Variants in KIAA0319 observed in about 807,000 individuals in gnomAD.
KIAA0319 encodes dyslexia-associated protein KIAA0319.
A neutral mutation model predicts 108.4 loss-of-function variants in KIAA0319; 83 were observed. The ratio of observed to expected loss-of-function variants is 0.77; its 90% CI spans 0.64 to 0.92. The LOEUF (loss-of-function observed/expected upper bound fraction) is 0.92, where lower values mean the gene tolerates loss of function less well. Among genes scored for constraint, KIAA0319 ranks in the 40% least tolerant of loss-of-function variants. The pLI is 0.00. For missense variants in KIAA0319, 1,195 were observed against 1,322.4 expected (o/e 0.90, Z 1.49); for synonymous variants, 484 against 510.4 (o/e 0.95, Z 0.70).
At chr6:24,558,447 T>G (rs2744542) in intron 17 of KIAA0319, among the ~76,000 whole-genome samples, 44,561 of 151,948 alleles carry the variant, frequency 0.29, 7,846 homozygotes, top group African/African-American at 0.5. Flanking sequence ...ACATTATCAT[T>G]TCCCTTGTAA....
chr6:24,599,498 A>C lies in KIAA0319; in HGVS notation c.55+1551T>G, dbSNP rs1285124207. 5.3e-6 allele frequency: 3 copies of C among 565,826 alleles called. No homozygotes were observed. The highest frequency in any genetic ancestry group is 1.5e-5 in the South Asian group (1 of 65,506). 35.1% of individuals were successfully genotyped at this position (565,826 alleles called of 1,614,324 possible). On this transcript the variant is annotated intron_variant, in intron 2 of 20. Transcript: ENST00000378214. The surrounding 1 kb of genome is among the most constrained non-coding windows in gnomAD (Gnocchi z 4.1). ...ACCAGGAGCTGATGATCATCAAGCC[A>C]ACCCTGGACATCGAGATTGTCACCT... is the stretch of plus-strand genomic sequence containing the variant.
chr6:24,559,283 CA>C (rs1444267494), intron 16 of KIAA0319, 128 bp from the exon 17 acceptor site: 1 of 958,948 alleles, frequency 1.0e-6, no homozygotes, highest in Non-Finnish European at 1.5e-6. Flanking sequence ...TTGCCAAGGA[CA>C]GGGGCGTATC....
In KIAA0319 at chr6:24,599,266, T is replaced by C; in HGVS notation, c.55+1783A>G. 2.0e-6 allele frequency: 1 copy of C among 490,614 alleles called. No homozygotes were observed. Among genetic ancestry groups the C allele is most frequent in the South Asian group, 2.0e-5 (1 of 50,314 alleles). 30.4% of individuals were successfully genotyped at this position (490,614 alleles called of 1,614,324 possible). A position where few individuals can be genotyped will look rare whatever the true frequency, so the allele number is the denominator to read the frequency against. On this transcript the variant is annotated intron_variant, in intron 2 of 20. Coordinates refer to ENST00000378214, the MANE Select transcript of KIAA0319 (RefSeq NM_014809.4). This position sits in a 1 kb window ranked among gnomAD's most constrained non-coding sequence, Gnocchi z 4.1. ...AGGGATGACCTGTGTTATACAAAGA[T>C]GGAGATCTCTGAGATGAATCAGAAC...
intron 1 of KIAA0319, among the ~76,000 whole-genome samples, chr6:24,616,774 C>A (rs1030643495): frequency 1.3e-5 from 2 of 152,142 alleles, no homozygotes; most frequent in Non-Finnish European, 2.9e-5. Flanking sequence ...CACTAATGAA[C>A]CACATATCTA....
intron 1 of KIAA0319, among the ~76,000 whole-genome samples, chr6:24,605,202 T>C (rs1177534552): frequency 3.9e-5 from 6 of 152,218 alleles, no homozygotes. Context: ...TCACCTATAT[T>C]ATCTTATTTG....
intron 14 of KIAA0319, 46 bp downstream of exon 14, chr6:24,566,551 G>C: frequency 5.2e-6 from 8 of 1,530,460 alleles, no homozygotes; most frequent in Non-Finnish European, 7.1e-6. Flanking sequence ...GACTAATGCA[G>C]ATGTAATGAT....
intron 1 of KIAA0319, among the ~76,000 whole-genome samples, chr6:24,627,171 T>C (rs17412874): frequency 0.025 from 3,860 of 152,338 alleles, 56 homozygotes; most frequent in Non-Finnish European, 0.036. Flanking sequence ...AAAGGGGACT[T>C]CACATACTTT....
In KIAA0319 at chr6:24,596,278, GT is replaced by G. The variant is rs780777441; in HGVS notation, c.395del (p.Asp132AlafsTer10). The part of the protein sequence containing the change: ...NRGSPSGIWG[D>X]SPEDIRKDLT... ...AGTCCTTTCTGATATCCTCAGGTGA[GT>G]CCCCCCAGATCCCCGAGGGGGAGCC... On this transcript the variant is annotated frameshift_variant, in exon 3 of 21. Transcript: ENST00000378214. LOFTEE classifies it high-confidence loss of function. 6 of 1,614,188 alleles carry G rather than the reference GT, an allele frequency of 3.7e-6. No individual in the cohort carries two copies. The East Asian group carries it at 1.1e-4, about 30-fold the overall frequency.
chr6:24,558,685 G>A (rs1385016963), intron 17 of KIAA0319, among the ~76,000 whole-genome samples: 1 of 152,202 alleles, frequency 6.6e-6, no homozygotes, highest in Non-Finnish European at 1.5e-5. Context: ...AAGGCATGAT[G>A]TCCAAGGTAA....
intron 1 of KIAA0319, among the ~76,000 whole-genome samples, chr6:24,628,854 C>T (rs943913042): frequency 1.3e-5 from 2 of 152,086 alleles, no homozygotes; most frequent in African/African-American, 4.8e-5. Context: ...CAAAATTTTC[C>T]TCTTATAAGG....
intron 1 of KIAA0319, among the ~76,000 whole-genome samples, chr6:24,604,500 C>G (rs1771122931): frequency 6.6e-6 from 1 of 152,232 alleles, no homozygotes; most frequent in African/African-American, 2.4e-5. Context: ...AGAGAAGATA[C>G]TGCTCTGAAG....
In KIAA0319 at chr6:24,572,716, C is replaced by A; in HGVS notation, c.1735-18G>T. The A allele has an allele frequency of 6.3e-7, 1 of 1,579,702 alleles. No individual in the cohort carries two copies. The highest frequency in any genetic ancestry group is 8.6e-7 in the Non-Finnish European group (1 of 1,168,108). On this transcript the variant is annotated intron_variant, in intron 10 of 20. Coordinates refer to ENST00000378214, the MANE Select transcript of KIAA0319 (RefSeq NM_014809.4). ...TGTACTCCCTAAGTAATAGCAAATA[C>A]AAAAATAAAAACAAAACAAAACAAA...
At position 24,596,075 on chromosome 6, in the gene KIAA0319, C is replaced by T. The variant is rs769264904; in HGVS notation, c.599G>A (p.Gly200Glu). ...GSEGAFNSSV[G>E]DSPAVPAETQ... ...CTCCGCTGGCACCGCAGGACTGTCT[C>T]CAACAGAGGAGTTGAAGGCCCCCTC... Residue 200 changes from glycine (G) to glutamate (E), a missense_variant, in exon 3 of 21, where the codon GGA becomes GAA. Transcript: ENST00000378214. The T allele has an allele frequency of 1.2e-6, 2 of 1,613,942 alleles. No individual in the cohort carries two copies. The highest frequency in any genetic ancestry group is 2.7e-5 in the African/African-American group (2 of 74,912).
At chr6:24,636,146 T>C (rs1179243264) in intron 1 of KIAA0319, among the ~76,000 whole-genome samples, 3 of 152,174 alleles carry the variant, frequency 2.0e-5, no homozygotes, top group Non-Finnish European at 2.9e-5. Context: ...GGAACATATA[T>C]ACATGCAACC....
intron 1 of KIAA0319, among the ~76,000 whole-genome samples, chr6:24,620,576 C>T (rs1401644654): frequency 6.6e-6 from 1 of 152,230 alleles, no homozygotes; most frequent in African/African-American, 2.4e-5. Flanking sequence ...GCTGGGATTA[C>T]AGGCATAAGC....
At chr6:24,604,196 T>G (rs1232599641) in intron 1 of KIAA0319, among the ~76,000 whole-genome samples, 4 of 152,198 alleles carry the variant, frequency 2.6e-5, no homozygotes, top group Non-Finnish European at 5.9e-5. Context: ...TCTGCAAAGT[T>G]TGCCACCAAT....
chr6:24,612,990 G>A (rs566035377), intron 1 of KIAA0319, among the ~76,000 whole-genome samples: 5 of 152,084 alleles, frequency 3.3e-5, no homozygotes, highest in Non-Finnish European at 7.4e-5. Flanking sequence ...TAGTAGAGAC[G>A]GGGTTTCACC....
rs540860751 is a variant in KIAA0319 at position 24,597,917 on chromosome 6, C to CAAAA, written c.56-1303_56-1300dup. 204 of 32,454 alleles carry CAAAA rather than the reference C, an allele frequency of 6.3e-3. 27 individuals carry two copies. Among genetic ancestry groups the CAAAA allele is most frequent in the African/African-American group, 0.016 (139 of 8,438 alleles). 2.0% of individuals were successfully genotyped at this position (32,454 alleles called of 1,614,324 possible). A position where few individuals can be genotyped will look rare whatever the true frequency, so the allele number is the denominator to read the frequency against. ...TGGGTGACAGAGCAAGACCCTATCT[C>CAAAA]AAAAAAAAAAAAAAAAAAAAAAAAA... On this transcript the variant is annotated intron_variant, in intron 2 of 20. Transcript: ENST00000378214.
chr6:24,628,485 G>A (rs1382758751), intron 1 of KIAA0319, among the ~76,000 whole-genome samples: 1 of 151,876 alleles, frequency 6.6e-6, no homozygotes, highest in African/African-American at 2.4e-5. Flanking sequence ...GTCCATTTCC[G>A]TTCCCCCATC....
Sources: gnomAD v4.1 joint callset for allele counts (sites outside exome capture counted in the v4.1 genomes callset) on GRCh38, gnomAD v4.1.1 for gene constraint, Gnocchi (gnomAD v3.1) non-coding constraint, MANE v1.5 for transcripts, NCBI Gene and HGNC (gene_info 2026-07-23, HGNC 2026-07-21) for gene names.